TRIP12: variants seen among roughly 807,000 people sequenced by gnomAD.
TRIP12 encodes thyroid hormone receptor interactor 12, also known as E3 ubiquitin-protein ligase TRIP12.
In TRIP12, 25 loss-of-function variants were observed where a neutral mutation model predicts 244.2. That is an observed-to-expected ratio of 0.10 (90% CI 0.07 to 0.14). The LOEUF (loss-of-function observed/expected upper bound fraction) is 0.14. Among genes scored for constraint, TRIP12 ranks in the 10% least tolerant of loss-of-function variants. TRIP12 has a pLI of 1.00. For missense variants in TRIP12, 1,677 were observed against 2,486.4 expected (o/e 0.67, Z 6.92); for synonymous variants, 905 against 873.1 (o/e 1.04, Z -0.64).
In TRIP12 at chr2:229,774,211, G is replaced by A. The variant is rs1310464409; in HGVS notation, c.5580C>T (p.Cys1860=). Residue 1860 remains cysteine (C), a synonymous_variant, in exon 38 of 42, where the codon TGC becomes TGT. Coordinates refer to ENST00000675903, the MANE Select transcript of TRIP12 (RefSeq NM_001348323.3). ...AATCCAGTCCTAGATCTTCAACTGA[G>A]CAGCCATTCATAGTCAAGGTTTCTA... The part of the protein sequence containing the change: ...YALETLTMNG[C]SVEDLGLDFT... 6.2e-7 allele frequency: 1 copy of A among 1,614,138 alleles called. No individual in the cohort carries two copies. Among genetic ancestry groups the A allele is most frequent in the East Asian group, 2.2e-5 (1 of 44,882 alleles).
At chr2:229,812,560 C>T (rs2047531017) in intron 13 of TRIP12, among the ~76,000 whole-genome samples, 1 of 152,112 alleles carries the variant, frequency 6.6e-6, no homozygotes, top group African/African-American at 2.4e-5. Context: ...AATCCCAGCA[C>T]TTTGGGAGGC....
chr2:229,904,667 T>C (rs1273392918), intron 1 of TRIP12, among the ~76,000 whole-genome samples: 1 of 152,184 alleles, frequency 6.6e-6, no homozygotes. Flanking sequence ...CTTAGTTTTC[T>C]TTATTCAAAT....
At chr2:229,826,488 A>T (rs953261801) in intron 8 of TRIP12, among the ~76,000 whole-genome samples, 1 of 151,952 alleles carries the variant, frequency 6.6e-6, no homozygotes, top group African/African-American at 2.4e-5. Flanking sequence ...TGATAAAGTG[A>T]CTGTGTGTTT....
intron 2 of TRIP12, among the ~76,000 whole-genome samples, chr2:229,872,104 T>TAAAAAAAAAAAAAAAAAAAAAAAAA (rs34496202): frequency 9.5e-6 from 1 of 105,278 alleles, no homozygotes; most frequent in African/African-American, 3.5e-5. Flanking sequence ...ACAGATATTG[T>TAAAAAAAAAAAAAAAAAAAAAAAAA]AAAAAAAAAA....
At chr2:229,915,547 T>C (rs897238686) in intron 1 of TRIP12, among the ~76,000 whole-genome samples, 1 of 152,040 alleles carries the variant, frequency 6.6e-6, no homozygotes, top group African/African-American at 2.4e-5. Context: ...AAACGCTTAA[T>C]CCCTATCATG....
At chr2:229,916,860 TA>T (rs60111350) in intron 1 of TRIP12, among the ~76,000 whole-genome samples, 18 of 145,330 alleles carry the variant, frequency 1.2e-4, no homozygotes, top group African/African-American at 1.5e-4. Context: ...AAATTTTACT[TA>T]AAAAAAAAAA....
At chr2:229,876,323 C>G (rs2063565983) in intron 2 of TRIP12, among the ~76,000 whole-genome samples, 1 of 151,978 alleles carries the variant, frequency 6.6e-6, no homozygotes. Flanking sequence ...GATAAGAAGG[C>G]CTTCAAAGTT....
chr2:229,819,478 G>C (rs1023649706), intron 8 of TRIP12, among the ~76,000 whole-genome samples: 35 of 152,214 alleles, frequency 2.3e-4, no homozygotes, highest in African/African-American at 8.0e-4. Flanking sequence ...CTGAGAGGCA[G>C]AGGTTGCAGT....
At chr2:229,891,387 T>C (rs1410183090) in intron 1 of TRIP12, among the ~76,000 whole-genome samples, 3 of 152,088 alleles carry the variant, frequency 2.0e-5, no homozygotes, top group Middle Eastern at 3.2e-3. Context: ...ATCATGCCAC[T>C]GTACTCTAAC....
chr2:229,770,244 T>G (rs571306629), intron 39 of TRIP12, among the ~76,000 whole-genome samples: 1 of 152,182 alleles, frequency 6.6e-6, no homozygotes, highest in Non-Finnish European at 1.5e-5. Context: ...GCTGGGATTA[T>G]AGGCTAAGTC....
chr2:229,768,606 T>A lies in TRIP12; in HGVS notation c.6007+10A>T, dbSNP rs1334701932. ...GTAGAATAAATGCTAAACATCAACA[T>A]CGTACCCACCTCCAACAGGCAATCT... On this transcript the variant is annotated intron_variant, in intron 41 of 41. Transcript: ENST00000675903. The A allele has an allele frequency of 6.2e-7, 1 of 1,611,498 alleles. No homozygotes were observed. The highest frequency in any genetic ancestry group is 8.5e-7 in the Non-Finnish European group (1 of 1,179,324).
At chr2:229,792,365 G>A in intron 27 of TRIP12, 139 bp from the exon 28 acceptor site, 3 of 851,642 alleles carry the variant, frequency 3.5e-6, no homozygotes, top group Non-Finnish European at 5.5e-6. Flanking sequence ...CTTGAGCCCA[G>A]AAGTGTTTTA....
chr2:229,879,275 C>T (rs1303989671), intron 2 of TRIP12, among the ~76,000 whole-genome samples: 1 of 152,058 alleles, frequency 6.6e-6, no homozygotes, highest in African/African-American at 2.4e-5. Context: ...TAACAATTAT[C>T]CATCACAAGC....
Position 229,795,402 on chromosome 2 carries a change from T to C in TRIP12, c.3817-72A>G. 3.3e-6 allele frequency: 5 copies of C among 1,504,958 alleles called. No homozygotes were observed. The South Asian group carries it at 3.8e-5, about 12-fold the overall frequency. 93.2% of individuals were successfully genotyped at this position (1,504,958 alleles called of 1,614,324 possible). ...CAAAAGTCTCCTCAAAGAGAAGATTTAATAAGCAGCTTTATAAAAGAGAAT... is the reference window on the plus strand; with the variant it reads ...CAAAAGTCTCCTCAAAGAGAAGATTCAATAAGCAGCTTTATAAAAGAGAAT... On this transcript the variant is annotated intron_variant, in intron 25 of 41. Coordinates refer to ENST00000675903, the MANE Select transcript of TRIP12 (RefSeq NM_001348323.3).
At chr2:229,816,378 T>C (rs1371552823) in intron 9 of TRIP12, among the ~76,000 whole-genome samples, 4 of 151,776 alleles carry the variant, frequency 2.6e-5, no homozygotes, top group Non-Finnish European at 4.4e-5. Flanking sequence ...TTAAAACACT[T>C]AGTCTAATTT....
chr2:229,916,075 T>C (rs1418573031), intron 1 of TRIP12, among the ~76,000 whole-genome samples: 2 of 152,238 alleles, frequency 1.3e-5, no homozygotes, highest in Non-Finnish European at 2.9e-5. Flanking sequence ...TGGTCCACAG[T>C]ACTGTAAACA....
intron 1 of TRIP12, among the ~76,000 whole-genome samples, chr2:229,907,134 C>T (rs905123343): frequency 6.6e-6 from 1 of 152,184 alleles, no homozygotes; most frequent in South Asian, 2.1e-4. Flanking sequence ...ACACTGTTGA[C>T]TGTAACTTTA....
rs549678893 is a variant in TRIP12 at position 229,857,994 on chromosome 2, G to C, written c.1027+778C>G. On this transcript the variant is annotated intron_variant, in intron 4 of 41. Transcript: ENST00000675903. ...ACTGTGAGATATTACATATGAAAAA[G>C]TTTAATTTACATTGAGGTATATTTA... 1.6e-4 allele frequency among the ~76,000 whole-genome samples: 24 copies of C among 152,234 alleles called. No homozygotes were observed. The South Asian group carries it at 5.0e-3, about 32-fold the overall frequency.
chr2:229,908,560 G>A (rs1352355644), intron 1 of TRIP12, among the ~76,000 whole-genome samples: 3 of 151,464 alleles, frequency 2.0e-5, no homozygotes, highest in Admixed American at 6.6e-5. Flanking sequence ...GTGAAACCCC[G>A]TCTCTATTAA....
Sources: gnomAD v4.1 joint callset for allele counts (sites outside exome capture counted in the v4.1 genomes callset) on GRCh38, gnomAD v4.1.1 for gene constraint, MANE v1.5 for transcripts, NCBI Gene and HGNC (gene_info 2026-07-23, HGNC 2026-07-21) for gene names.